DRC11: variants seen among roughly 807,000 people sequenced by gnomAD.
DRC11 encodes the protein dynein regulatory complex subunit 11.
At chr2:236,359,923 T>C in the DRC11 span, among the ~76,000 whole-genome samples, 2 of 152,094 alleles carry the variant, frequency 1.3e-5, no homozygotes, top group African/African-American at 2.4e-5. This position sits in a 1 kb window ranked among gnomAD's most constrained non-coding sequence, Gnocchi z 4.3. Context: ...GTGGCCCAGG[T>C]GGGTGAATGT....
At chr2:236,435,195 T>C in the DRC11 span, among the ~76,000 whole-genome samples, 2 of 152,246 alleles carry the variant, frequency 1.3e-5, no homozygotes, top group African/African-American at 4.8e-5. Context: ...CTAAAGCCTG[T>C]ATTTTACTGC....
At chr2:236,396,222 C>T in the DRC11 span, among the ~76,000 whole-genome samples, 7 of 131,950 alleles carry the variant, frequency 5.3e-5, no homozygotes, top group East Asian at 2.2e-4. Context: ...TCTCCTAGAG[C>T]GGAGAAAGAG....
chr2:236,434,616 A>G, the DRC11 span, among the ~76,000 whole-genome samples: 1 of 152,146 alleles, frequency 6.6e-6, no homozygotes, highest in African/African-American at 2.4e-5. This position sits in a 1 kb window ranked among gnomAD's most constrained non-coding sequence, Gnocchi z 5.5. Flanking sequence ...TGTGATTTGT[A>G]ATCACCATGC....
chr2:236,354,847 A>G, the DRC11 span, among the ~76,000 whole-genome samples: 1 of 152,146 alleles, frequency 6.6e-6, no homozygotes, highest in African/African-American at 2.4e-5. Context: ...GTCACTGGAC[A>G]GGTGGAGTGG....
At chr2:236,497,216 G>A in the DRC11 span, 1 of 1,613,296 alleles carries the variant, frequency 6.2e-7, no homozygotes, top group Non-Finnish European at 8.5e-7. This position sits in a 1 kb window ranked among gnomAD's most constrained non-coding sequence, Gnocchi z 5.1. Context: ...AACTCCGTGA[G>A]TTCCAGCTCC....
At chr2:236,437,445 G>C in the DRC11 span, among the ~76,000 whole-genome samples, 1 of 151,476 alleles carries the variant, frequency 6.6e-6, no homozygotes, top group Non-Finnish European at 1.5e-5. Flanking sequence ...ATAGTCCTTT[G>C]GGTATATACC....
chr2:236,453,271 T>C, the DRC11 span, among the ~76,000 whole-genome samples: 11 of 152,358 alleles, frequency 7.2e-5, no homozygotes, highest in South Asian at 8.3e-4. The surrounding 1 kb of genome is among the most constrained non-coding windows in gnomAD (Gnocchi z 4.9). Flanking sequence ...CTTTTACAAG[T>C]AGCAACAAGA....
the DRC11 span, among the ~76,000 whole-genome samples, chr2:236,358,305 A>G: frequency 1.5e-5 from 2 of 132,434 alleles, no homozygotes; most frequent in Non-Finnish European, 3.1e-5. Context: ...TATATATAAT[A>G]TATAGATATA....
the DRC11 span, among the ~76,000 whole-genome samples, chr2:236,426,805 G>A: frequency 2.0e-5 from 3 of 152,134 alleles, no homozygotes; most frequent in African/African-American, 4.8e-5. This position sits in a 1 kb window ranked among gnomAD's most constrained non-coding sequence, Gnocchi z 4.1. Flanking sequence ...AATTGCTCTG[G>A]CTAGGACTTC....
chr2:236,489,764 A>T, the DRC11 span, among the ~76,000 whole-genome samples: 14 of 152,088 alleles, frequency 9.2e-5, no homozygotes, highest in African/African-American at 1.4e-4. Flanking sequence ...CTCTAAAAAA[A>T]TTTTTTTTAA....
At chr2:236,399,778 ACTTTCTTT>A in the DRC11 span, among the ~76,000 whole-genome samples, 7 of 151,960 alleles carry the variant, frequency 4.6e-5, no homozygotes, top group Non-Finnish European at 8.8e-5. This position sits in a 1 kb window ranked among gnomAD's most constrained non-coding sequence, Gnocchi z 7.0. Flanking sequence ...TGATTAAAAA[ACTTTCTTT>A]CTTTCTTTCT....
chr2:236,392,308 T>C, the DRC11 span: 1 of 1,599,822 alleles, frequency 6.3e-7, no homozygotes, highest in African/African-American at 1.3e-5. The surrounding 1 kb of genome is among the most constrained non-coding windows in gnomAD (Gnocchi z 5.1). Context: ...TGGATCATAG[T>C]CCTGAGAGAA....
chr2:236,441,509 TAC>T, the DRC11 span, among the ~76,000 whole-genome samples: 3 of 152,138 alleles, frequency 2.0e-5, no homozygotes, highest in Admixed American at 6.5e-5. Flanking sequence ...TTGTGGAAAT[TAC>T]ACAGTTAGTA....
chr2:236,449,872 C>T, the DRC11 span, among the ~76,000 whole-genome samples: 1 of 152,130 alleles, frequency 6.6e-6, no homozygotes, highest in Non-Finnish European at 1.5e-5. This position sits in a 1 kb window ranked among gnomAD's most constrained non-coding sequence, Gnocchi z 5.1. Context: ...AGAGGAAAAA[C>T]CAGGCTGTGA....
chr2:236,363,711 A>C, the DRC11 span: 3 of 1,182,468 alleles, frequency 2.5e-6, no homozygotes, highest in Non-Finnish European at 3.7e-6. The surrounding 1 kb of genome is among the most constrained non-coding windows in gnomAD (Gnocchi z 5.6). Context: ...AATGGAAATT[A>C]TCTGCAGGGT....
chr2:236,416,708 CATATATATATATTT>C, the DRC11 span, among the ~76,000 whole-genome samples: 682 of 74,454 alleles, frequency 9.2e-3, 12 homozygotes, highest in Middle Eastern at 0.015. Flanking sequence ...TATTTATTTA[CATATATATATATTT>C]ATATATATAT....
chr2:236,355,181 A>T, the DRC11 span, among the ~76,000 whole-genome samples: 1 of 152,146 alleles, frequency 6.6e-6, no homozygotes, highest in Non-Finnish European at 1.5e-5. Flanking sequence ...GGCCGTACAG[A>T]CGCCGGCATC....
At chr2:236,409,821 G>T in the DRC11 span, among the ~76,000 whole-genome samples, 1 of 152,098 alleles carries the variant, frequency 6.6e-6, no homozygotes, top group African/African-American at 2.4e-5. Context: ...AGCATGAAGG[G>T]TTGCTGAATT....
At chr2:236,459,543 A>ATATACG in the DRC11 span, among the ~76,000 whole-genome samples, 130 of 98,982 alleles carry the variant, frequency 1.3e-3, 1 homozygote, top group African/African-American at 4.7e-3. Flanking sequence ...ACGTATACGT[A>ATATACG]TACGTATACA....
Sources: gnomAD v4.1 joint callset for allele counts (sites outside exome capture counted in the v4.1 genomes callset) on GRCh38, gnomAD v4.1.1 for gene constraint, Gnocchi (gnomAD v3.1) non-coding constraint, MANE v1.5 for transcripts, NCBI Gene and HGNC (gene_info 2026-07-23, HGNC 2026-07-21) for gene names.